MYO16: variants seen among roughly 807,000 people sequenced by gnomAD.
The protein encoded by MYO16 is myosin XVI, also known as unconventional myosin-XVI.
A neutral mutation model predicts 205.3 loss-of-function variants in MYO16; 94 were observed. The ratio of observed to expected loss-of-function variants is 0.46; its 90% CI spans 0.39 to 0.54. The LOEUF (loss-of-function observed/expected upper bound fraction) is 0.54. Ranked by LOEUF, MYO16 falls within the 20% of genes least tolerant of loss-of-function variation. MYO16 has a pLI of 0.00. For missense variants in MYO16, 2,315 were observed against 2,387.5 expected, an observed-to-expected ratio of 0.97 and a Z score of 0.63; for synonymous variants, 988 against 954.0, an observed-to-expected ratio of 1.04 and a Z score of -0.66.
chr13:109,165,607 G>T (rs10220137), intron 33 of MYO16, among the ~76,000 whole-genome samples: 3 of 151,954 alleles, frequency 2.0e-5, no homozygotes, highest in East Asian at 1.9e-4. Context: ...AGGGCCTCCC[G>T]CAGGGCTGGG....
At chr13:108,724,923 CAG>C (rs1884289325) in intron 3 of MYO16, among the ~76,000 whole-genome samples, 1 of 152,114 alleles carries the variant, frequency 6.6e-6, no homozygotes, top group Non-Finnish European at 1.5e-5. Context: ...TCACAATTCT[CAG>C]TGCTCTTCAT....
At chr13:108,543,625 G>A in the MYO16 span, among the ~76,000 whole-genome samples, 1 of 128,508 alleles carries the variant, frequency 7.8e-6, no homozygotes, top group African/African-American at 3.0e-5. Flanking sequence ...CTGGGCGACA[G>A]AGCGAGCCTC....
Position 108,980,611 on chromosome 13 carries a change from CT to C in MYO16, c.2370-11760del, listed in dbSNP as rs1884420093. ...GTACCACTAGTTAAATATCGTTTGC[CT>C]TTTTCGAATGTAATTTTCTAATTGA... On this transcript the variant is annotated intron_variant, in intron 20 of 34. Coordinates refer to ENST00000457511, the MANE Select transcript of MYO16 (RefSeq NM_001198950.3). Among the ~76,000 whole-genome samples the C allele has an allele frequency of 3.3e-5, 5 of 152,142 alleles. 1 individual carries two copies. The highest frequency in any genetic ancestry group is 3.3e-4 in the Admixed American group (5 of 15,276).
At chr13:108,705,164 C>T (rs1332457857) in intron 2 of MYO16, among the ~76,000 whole-genome samples, 1 of 152,082 alleles carries the variant, frequency 6.6e-6, no homozygotes, top group Non-Finnish European at 1.5e-5. Context: ...ATAGTGAAAC[C>T]CTGTGCCATC....
At chr13:108,934,295 T>G (rs1404520694) in intron 16 of MYO16, among the ~76,000 whole-genome samples, 1 of 152,168 alleles carries the variant, frequency 6.6e-6, no homozygotes, top group African/African-American at 2.4e-5. Flanking sequence ...TTCTGATTGG[T>G]ATGAAATGGT....
chr13:108,659,734 A>C (rs543483474), intron 1 of MYO16, among the ~76,000 whole-genome samples: 1 of 152,204 alleles, frequency 6.6e-6, no homozygotes, highest in African/African-American at 2.4e-5. Flanking sequence ...CATCAACATA[A>C]TTGTCCGTTC....
At chr13:108,875,050 G>T (rs1879260738) in intron 12 of MYO16, among the ~76,000 whole-genome samples, 1 of 152,140 alleles carries the variant, frequency 6.6e-6, no homozygotes. Context: ...ATAATGACCA[G>T]TGAAGAAAAG....
intron 20 of MYO16, among the ~76,000 whole-genome samples, chr13:108,966,142 A>G (rs535007404): frequency 6.6e-6 from 1 of 152,302 alleles, no homozygotes; most frequent in Non-Finnish European, 1.5e-5. Flanking sequence ...TAGCTATGGT[A>G]TAATCCATAT....
intron 4 of MYO16, among the ~76,000 whole-genome samples, chr13:108,755,950 T>G (rs553722573): frequency 6.6e-6 from 1 of 152,160 alleles, no homozygotes; most frequent in Non-Finnish European, 1.5e-5. Flanking sequence ...TTGAAGTGCT[T>G]CCGTTACTTC....
chr13:108,963,894 C>T (rs985018164), intron 19 of MYO16, among the ~76,000 whole-genome samples: 2 of 152,180 alleles, frequency 1.3e-5, no homozygotes, highest in Non-Finnish European at 1.5e-5. Flanking sequence ...TAAATGGCCA[C>T]ACCCACTTTC....
chr13:108,872,422 C>T (rs916772134), intron 12 of MYO16, among the ~76,000 whole-genome samples: 1 of 151,920 alleles, frequency 6.6e-6, no homozygotes, highest in Non-Finnish European at 1.5e-5. Flanking sequence ...TTTTAAAGTA[C>T]TGACACTATA....
intron 9 of MYO16, among the ~76,000 whole-genome samples, chr13:108,840,451 A>G (rs1020100247): frequency 6.6e-6 from 1 of 152,152 alleles, no homozygotes; most frequent in Non-Finnish European, 1.5e-5. Flanking sequence ...TCTTCTTGCT[A>G]TGTCAAGGTT....
At chr13:109,137,512 A>G (rs1166574116) in intron 31 of MYO16, among the ~76,000 whole-genome samples, 1 of 152,238 alleles carries the variant, frequency 6.6e-6, no homozygotes, top group African/African-American at 2.4e-5. Context: ...AGGGGCTGCT[A>G]TGTTTTAGCC....
At position 109,100,891 on chromosome 13, in the gene MYO16, G is replaced by T. The variant is rs1400480681; in HGVS notation, c.3438+4G>T. On this transcript the variant is annotated splice_donor_region_variant and intron_variant, in intron 28 of 34. Transcript: ENST00000457511. ...GTGTAAATTACAAGGCTGGCAGGTT[G>T]GTGACCTACAAGCTATGAAAATAAC... is the stretch of plus-strand genomic sequence containing the variant. The T allele has an allele frequency of 1.9e-6, 3 of 1,609,454 alleles. 1 individual carries two copies. The South Asian group carries it at 3.3e-5, about 18-fold the overall frequency.
chr13:108,782,370 G>A (rs1285626631), intron 4 of MYO16, among the ~76,000 whole-genome samples: 4 of 152,192 alleles, frequency 2.6e-5, no homozygotes, highest in Non-Finnish European at 5.9e-5. Flanking sequence ...ATGATTTCGG[G>A]TATCTGGCAG....
At chr13:108,909,116 A>G (rs1222107657) in intron 15 of MYO16, among the ~76,000 whole-genome samples, 2 of 152,190 alleles carry the variant, frequency 1.3e-5, no homozygotes, top group Non-Finnish European at 2.9e-5. Flanking sequence ...AGCATGCCAA[A>G]CATACAGTCA....
At chr13:109,100,111 G>C (rs1481141251) in intron 27 of MYO16, among the ~76,000 whole-genome samples, 3 of 152,154 alleles carry the variant, frequency 2.0e-5, no homozygotes, top group African/African-American at 7.2e-5. Flanking sequence ...GTTAACCACT[G>C]TAAGTGCAAA....
chr13:108,994,001 C>T (rs1884923193), intron 21 of MYO16, among the ~76,000 whole-genome samples: 1 of 152,142 alleles, frequency 6.6e-6, no homozygotes, highest in Non-Finnish European at 1.5e-5. Flanking sequence ...CAAGCTGCAA[C>T]TCCACACCCA....
chr13:108,994,459 A>G (rs754644127), intron 21 of MYO16, among the ~76,000 whole-genome samples: 2 of 152,164 alleles, frequency 1.3e-5, no homozygotes, highest in Non-Finnish European at 2.9e-5. Context: ...GATAAGTACA[A>G]ATCTCATCTT....
Sources: gnomAD v4.1 joint callset for allele counts (sites outside exome capture counted in the v4.1 genomes callset) on GRCh38, gnomAD v4.1.1 for gene constraint, MANE v1.5 for transcripts, NCBI Gene and HGNC (gene_info 2026-07-23, HGNC 2026-07-21) for gene names.